Variants in C2orf42 observed in about 807,000 individuals in gnomAD.
The protein encoded by C2orf42 is uncharacterized protein C2orf42.
A neutral mutation model predicts 58.9 loss-of-function variants in C2orf42; 44 were observed. The observed-to-expected ratio is 0.75, with a 90% CI of 0.59 to 0.96. C2orf42 has a LOEUF of 0.96. Among genes scored for constraint, C2orf42 ranks in the 40% least tolerant of loss-of-function variants. The probability of loss-of-function intolerance (pLI) is 0.00; values close to 1 mark genes in which losing one functional copy is unlikely to be tolerated. For missense variants in C2orf42, 630 were observed against 699.2 expected (o/e 0.90, Z 1.12); for synonymous variants, 239 against 265.4 (o/e 0.90, Z 0.97).
At chr2:70,163,480 C>T (rs1193534851) in intron 8 of C2orf42, among the ~76,000 whole-genome samples, 4 of 150,470 alleles carry the variant, frequency 2.7e-5, no homozygotes, top group South Asian at 2.1e-4. Context: ...CTCCTGACCT[C>T]GTGATCCACC....
intron 4 of C2orf42, among the ~76,000 whole-genome samples, chr2:70,178,633 C>G (rs1372122362): frequency 1.4e-5 from 2 of 147,502 alleles, no homozygotes; most frequent in Non-Finnish European, 3.0e-5. Flanking sequence ...ATAAATAAGG[C>G]TGGGTGCAGC....
At position 70,165,150 on chromosome 2, in the gene C2orf42, T is replaced by G. The variant is rs1330012961; in HGVS notation, c.1295A>C (p.Lys432Thr). 6.2e-7 allele frequency: 1 copy of G among 1,611,986 alleles called. No individual in the cohort carries two copies. ...GATATTAGTGATATGCCAAGTATACTTGGAAAAGGTTCCCAGTGGCAAGGC... is the reference window on the plus strand; with the variant it reads ...GATATTAGTGATATGCCAAGTATACGTGGAAAAGGTTCCCAGTGGCAAGGC... ...KDALPLGTFS[K>T]YTWHITNILQ... The change falls in exon 8 of 10, where the codon AAG (lysine) becomes ACG (threonine). Residue 432 changes from lysine to threonine, a missense_variant. By Grantham distance (78) the Lys-to-Thr change is moderately conservative (BLOSUM62 -1). Transcript: ENST00000264434.
chr2:70,172,180 T>A (rs1673866868), intron 5 of C2orf42, among the ~76,000 whole-genome samples: 1 of 143,320 alleles, frequency 7.0e-6, no homozygotes, highest in Non-Finnish European at 1.5e-5. Flanking sequence ...GCTGAGATTG[T>A]GCCACTGTAC....
rs774540688 is a variant in C2orf42, at chr2:70,165,212, CA to C, written c.1253-21del. On this transcript the variant is annotated intron_variant, in intron 7 of 9. Transcript: ENST00000264434. ...CAAAAGCTTCAACGTGAAAAAAGGA[CA>C]AAATTAGATTACCAAAAAATAACAT... is the stretch of plus-strand genomic sequence containing the variant. The C allele has an allele frequency of 7.2e-7, 1 of 1,397,916 alleles. No homozygotes were observed. Among genetic ancestry groups the C allele is most frequent in the South Asian group, 1.2e-5 (1 of 84,160 alleles). 86.6% of individuals were successfully genotyped at this position (1,397,916 alleles called of 1,614,324 possible).
At chr2:70,182,057 C>T (rs1261994917) in intron 2 of C2orf42, 60 bp from the exon 3 acceptor site, 1 of 773,520 alleles carries the variant, frequency 1.3e-6, no homozygotes, top group Admixed American at 2.8e-5. Flanking sequence ...AAGTTAAAAT[C>T]ACTTATGATA....
chr2:70,161,673 T>G (rs1673057753), intron 8 of C2orf42, among the ~76,000 whole-genome samples: 1 of 151,810 alleles, frequency 6.6e-6, no homozygotes, highest in Admixed American at 6.6e-5. Flanking sequence ...AAACCTCATC[T>G]CTACTAAAAA....
intron 9 of C2orf42, among the ~76,000 whole-genome samples, chr2:70,151,454 G>A (rs1314834057): frequency 1.3e-5 from 2 of 151,990 alleles, no homozygotes; most frequent in African/African-American, 4.8e-5. Context: ...TGACCAACAC[G>A]GCAAAACCGT....
intron 5 of C2orf42, among the ~76,000 whole-genome samples, chr2:70,171,993 C>A (rs370013101): frequency 6.6e-6 from 1 of 151,418 alleles, no homozygotes; most frequent in South Asian, 2.1e-4. Context: ...GAGGCCAAGG[C>A]GGGTGGATCA....
chr2:70,150,776 C>T (rs113219477), intron 9 of C2orf42, among the ~76,000 whole-genome samples: 155 of 152,310 alleles, frequency 1.0e-3, no homozygotes, highest in African/African-American at 3.5e-3. Context: ...GACGGAGTCT[C>T]GCTTTGGCAC....
At chr2:70,188,498 C>T (rs1395909252) in intron 1 of C2orf42, among the ~76,000 whole-genome samples, 1 of 151,944 alleles carries the variant, frequency 6.6e-6, no homozygotes, top group Admixed American at 6.6e-5. Flanking sequence ...CCTCAATCTC[C>T]CTTTTAAAAA....
chr2:70,164,650 A>T (rs1211422407), intron 8 of C2orf42, among the ~76,000 whole-genome samples: 1 of 151,918 alleles, frequency 6.6e-6, no homozygotes, highest in African/African-American at 2.4e-5. Flanking sequence ...AATAAAATAA[A>T]ATAAAAAGGG....
rs753548446 is a variant in C2orf42 at position 70,165,078 on chromosome 2, A to G, written c.1353+14T>C. ...CTTCACAACCCTCCCACTGTTATAGAAATAAACTCTCACCTCTGGGGTATC... is the reference window on the plus strand; with the variant it reads ...CTTCACAACCCTCCCACTGTTATAGGAATAAACTCTCACCTCTGGGGTATC... On this transcript the variant is annotated intron_variant, in intron 8 of 9. Coordinates refer to ENST00000264434, the MANE Select transcript of C2orf42 (RefSeq NM_017880.3). The G allele has an allele frequency of 4.9e-6, 7 of 1,423,354 alleles. No individual in the cohort carries two copies. The highest frequency in any genetic ancestry group is 1.8e-5 in the Admixed American group (1 of 56,090). The allele number at this position is 1,423,354 out of a possible 1,614,324, so 88.2% of individuals were successfully genotyped here.
chr2:70,165,770 A>C, intron 6 of C2orf42, 135 bp from the exon 7 acceptor site: 1 of 599,938 alleles, frequency 1.7e-6, no homozygotes, highest in Non-Finnish European at 3.0e-6. Flanking sequence ...ATACAGAGGC[A>C]AAAAGAAGGC....
intron 5 of C2orf42, among the ~76,000 whole-genome samples, chr2:70,170,320 C>CA (rs775616661): frequency 2.6e-5 from 4 of 151,222 alleles, no homozygotes; most frequent in Admixed American, 1.3e-4. Flanking sequence ...GATCTCAGCT[C>CA]ACTGCAACCT....
intron 7 of C2orf42, 130 bp from the exon 8 acceptor site, chr2:70,165,322 C>T (rs757053964): frequency 2.2e-5 from 14 of 646,754 alleles, no homozygotes; most frequent in Non-Finnish European, 3.2e-5. Context: ...AAAAGAAATT[C>T]TAGAGGCAAA....
intron 9 of C2orf42, among the ~76,000 whole-genome samples, chr2:70,154,380 T>C (rs1311356552): frequency 3.4e-5 from 3 of 87,108 alleles, no homozygotes; most frequent in Non-Finnish European, 6.2e-5. Context: ...CTGGGCAACA[T>C]AGTAAGACCC....
In C2orf42 at chr2:70,158,286, T is replaced by G. The variant is rs1672814681; in HGVS notation, c.1516+2339A>C. Among the ~76,000 whole-genome samples, 7 of 151,724 alleles carry G rather than the reference T, an allele frequency of 4.6e-5. No homozygotes were observed. The South Asian group carries it at 1.5e-3, about 32-fold the overall frequency. On this transcript the variant is annotated intron_variant, in intron 9 of 9. Coordinates refer to ENST00000264434, the MANE Select transcript of C2orf42 (RefSeq NM_017880.3). ...AAATTGGAAACTAAGAATATGAAGA[T>G]TAAAAGCCTCAACTAATTTGAAATT...
chr2:70,175,915 T>C (rs1443799812), intron 4 of C2orf42, 138 bp from the exon 5 acceptor site: 1 of 637,230 alleles, frequency 1.6e-6, no homozygotes, highest in East Asian at 2.6e-5. Flanking sequence ...GGAGTTAGCA[T>C]TAGTCTTTAC....
intron 5 of C2orf42, among the ~76,000 whole-genome samples, chr2:70,174,978 C>T (rs1243410493): frequency 6.6e-6 from 1 of 151,992 alleles, no homozygotes; most frequent in African/African-American, 2.4e-5. Context: ...GCCCCAACCC[C>T]CTCTTTAAAT....
Sources: gnomAD v4.1 joint callset for allele counts (sites outside exome capture counted in the v4.1 genomes callset) on GRCh38, gnomAD v4.1.1 for gene constraint, MANE v1.5 for transcripts, NCBI Gene and HGNC (gene_info 2026-07-23, HGNC 2026-07-21) for gene names.